The following TCF7L1 variants were observed in gnomAD, a reference collection of about 807,000 sequenced individuals.
The protein encoded by TCF7L1 is transcription factor 7 like 1.
TCF7L1 carries 18 observed loss-of-function variants against 63.7 expected under a neutral mutation model. That is an observed-to-expected ratio of 0.28 (90% CI 0.20 to 0.42). The LOEUF is 0.42. Ranked by LOEUF, TCF7L1 falls within the 10% of genes least tolerant of loss-of-function variation. The probability of loss-of-function intolerance (pLI) is 1.00; values close to 1 mark genes in which losing one functional copy is unlikely to be tolerated. For missense variants in TCF7L1, 654 were observed against 779.3 expected (o/e 0.84, Z 1.91); for synonymous variants, 355 against 340.9 (o/e 1.04, Z -0.46).
chr2:85,296,630 C>G (rs1681843903), intron 4 of TCF7L1, among the ~76,000 whole-genome samples: 1 of 152,204 alleles, frequency 6.6e-6, no homozygotes, highest in Non-Finnish European at 1.5e-5. Context: ...CTAGTTTTAG[C>G]AGGCAGTGAT....
intron 3 of TCF7L1, among the ~76,000 whole-genome samples, chr2:85,201,612 T>A (rs1679274865): frequency 6.6e-6 from 1 of 152,204 alleles, no homozygotes; most frequent in African/African-American, 2.4e-5. Flanking sequence ...GGGTCAACTG[T>A]ATATCTAGGA....
chr2:85,285,143 G>T (rs1034132410), intron 4 of TCF7L1, among the ~76,000 whole-genome samples: 2 of 152,100 alleles, frequency 1.3e-5, no homozygotes, highest in African/African-American at 4.8e-5. Context: ...TGAGGCAGGA[G>T]AATGGTGTGA....
At chr2:85,246,529 C>G (rs1680467828) in intron 3 of TCF7L1, among the ~76,000 whole-genome samples, 1 of 152,198 alleles carries the variant, frequency 6.6e-6, no homozygotes, top group African/African-American at 2.4e-5. Context: ...ATAATCACTC[C>G]TATTTAATAG....
At chr2:85,264,185 T>C (rs894897522) in intron 3 of TCF7L1, among the ~76,000 whole-genome samples, 1 of 152,182 alleles carries the variant, frequency 6.6e-6, no homozygotes, top group Non-Finnish European at 1.5e-5. Flanking sequence ...AAAATGGAAA[T>C]TGAAGAGGAA....
At chr2:85,258,319 C>T (rs1680770916) in intron 3 of TCF7L1, among the ~76,000 whole-genome samples, 2 of 152,150 alleles carry the variant, frequency 1.3e-5, no homozygotes. Flanking sequence ...ATCCACGGAG[C>T]TGAGGATCCA....
At chr2:85,304,229 C>T in intron 6 of TCF7L1, 26 bp from the exon 7 acceptor site, 1 of 1,605,470 alleles carries the variant, frequency 6.2e-7, no homozygotes, top group Non-Finnish European at 8.5e-7. Flanking sequence ...TCCCAATATG[C>T]TGACCAGATT....
At chr2:85,268,141 T>A (rs980411262) in intron 3 of TCF7L1, among the ~76,000 whole-genome samples, 1 of 152,012 alleles carries the variant, frequency 6.6e-6, no homozygotes, top group Admixed American at 6.6e-5. Context: ...GTAAATGGAG[T>A]CTTACTCACC....
intron 3 of TCF7L1, among the ~76,000 whole-genome samples, chr2:85,168,881 A>G (rs529430777): frequency 1.4e-4 from 22 of 152,332 alleles, no homozygotes; most frequent in Admixed American, 1.4e-3. Context: ...TCGGCCTCCC[A>G]AAGTGCTGGG....
intron 3 of TCF7L1, among the ~76,000 whole-genome samples, chr2:85,202,433 A>G (rs769907313): frequency 6.6e-6 from 1 of 152,178 alleles, no homozygotes; most frequent in Non-Finnish European, 1.5e-5. Flanking sequence ...TTTGAAGCAC[A>G]AAAGTTTTTA....
intron 3 of TCF7L1, among the ~76,000 whole-genome samples, chr2:85,222,378 CTAAAGGCTTGGCCAG>C (rs1373179025): frequency 3.0e-4 from 43 of 142,310 alleles, no homozygotes; most frequent in Non-Finnish European, 4.9e-4. Flanking sequence ...AAAAAAAACA[CTAAAGGCTTGGCCAG>C]GCGTGGTGGT....
intron 3 of TCF7L1, among the ~76,000 whole-genome samples, chr2:85,157,923 T>C (rs1454607570): frequency 6.6e-6 from 1 of 152,038 alleles, no homozygotes; most frequent in Non-Finnish European, 1.5e-5. Flanking sequence ...GGGCAGTTAG[T>C]GGTAATTGTT....
intron 3 of TCF7L1, among the ~76,000 whole-genome samples, chr2:85,153,045 C>G (rs1184060475): frequency 6.6e-6 from 1 of 152,202 alleles, no homozygotes. Flanking sequence ...TCTCACATTG[C>G]TACATGGATG....
chr2:85,298,191 C>CAAA lies in TCF7L1; in HGVS notation c.526-4280_526-4278dup, dbSNP rs759348807. ...TGGGTGACAGAGTGAGACTCCATCT[C>CAAA]AAAAAAAAAAAAAAAGTGCAGGCCG... On this transcript the variant is annotated intron_variant, in intron 4 of 11. Transcript: ENST00000282111. Among the ~76,000 whole-genome samples the CAAA allele has an allele frequency of 2.5e-3, 113 of 44,726 alleles. 8 individuals carry two copies. Among genetic ancestry groups the CAAA allele is most frequent in the African/African-American group, 8.0e-3 (59 of 7,352 alleles). 29.3% of individuals were successfully genotyped at this position (44,726 alleles called of 152,430 possible). A position where few individuals can be genotyped will look rare whatever the true frequency, so the allele number is the denominator to read the frequency against.
chr2:85,137,761 C>T (rs527328294), intron 3 of TCF7L1, among the ~76,000 whole-genome samples: 2 of 152,062 alleles, frequency 1.3e-5, no homozygotes, highest in South Asian at 2.1e-4. Flanking sequence ...GGCGTGCTGG[C>T]GAGCACCTGC....
chr2:85,203,152 A>T (rs1399317643), intron 3 of TCF7L1, among the ~76,000 whole-genome samples: 1 of 152,116 alleles, frequency 6.6e-6, no homozygotes, highest in East Asian at 1.9e-4. Flanking sequence ...CCTAACTCTT[A>T]TGAAAGGTTA....
At chr2:85,144,854 C>T (rs190871356) in intron 3 of TCF7L1, among the ~76,000 whole-genome samples, 2,272 of 151,550 alleles carry the variant, frequency 0.015, 23 homozygotes, top group Non-Finnish European at 0.024. Context: ...GAGGCCGAGG[C>T]GGGAGGATCA....
intron 3 of TCF7L1, among the ~76,000 whole-genome samples, chr2:85,159,507 C>T (rs551363489): frequency 1.3e-5 from 2 of 152,340 alleles, no homozygotes; most frequent in South Asian, 4.1e-4. Context: ...CCAGGAAGGG[C>T]ACACATTGGC....
At chr2:85,235,524 G>C (rs183642649) in intron 3 of TCF7L1, among the ~76,000 whole-genome samples, 1 of 151,998 alleles carries the variant, frequency 6.6e-6, no homozygotes, top group African/African-American at 2.4e-5. Flanking sequence ...GCTCCCTTGT[G>C]GTGTGACCAT....
intron 3 of TCF7L1, among the ~76,000 whole-genome samples, chr2:85,278,230 G>A (rs756541869): frequency 3.3e-5 from 5 of 152,178 alleles, no homozygotes; most frequent in African/African-American, 9.7e-5. Flanking sequence ...GAAACAGCCC[G>A]CCTGGCCAAG....
Sources: gnomAD v4.1 joint callset for allele counts (sites outside exome capture counted in the v4.1 genomes callset) on GRCh38, gnomAD v4.1.1 for gene constraint, MANE v1.5 for transcripts, NCBI Gene and HGNC (gene_info 2026-07-23, HGNC 2026-07-21) for gene names.